The following IGLL5 variants were observed in gnomAD, a reference collection of about 807,000 sequenced individuals.
IGLL5 encodes immunoglobulin lambda-like polypeptide 5.
Under a neutral mutation model 20.9 loss-of-function variants are expected in IGLL5, and 30 were observed. The ratio of observed to expected loss-of-function variants is 1.44; its 90% CI spans 1.07 to 1.95. The LOEUF is 1.95. Ranked by LOEUF, IGLL5 falls within the 30% of genes most tolerant of loss-of-function variation. IGLL5 has a pLI of 0.00. For synonymous variants in IGLL5, 203 were observed against 117.3 expected, an observed-to-expected ratio of 1.73 and a Z score of -4.72; for missense variants, 475 against 270.7, an observed-to-expected ratio of 1.75 and a Z score of -5.30.
chr22:22,888,798 A>C (rs182504105), intron 1 of IGLL5, among the ~76,000 whole-genome samples: 4 of 151,358 alleles, frequency 2.6e-5, no homozygotes, highest in South Asian at 2.1e-4. Flanking sequence ...GGTGGGATGA[A>C]CCGAGGGGAG....
chr22:22,888,510 A>C (rs536344363), intron 1 of IGLL5, among the ~76,000 whole-genome samples: 4 of 151,364 alleles, frequency 2.6e-5, no homozygotes, highest in Admixed American at 1.3e-4. Flanking sequence ...AATTTTCACC[A>C]GGGTCAGTGC....
At position 22,894,289 on chromosome 22, in the gene IGLL5, A is replaced by G. The variant is rs534934718; in HGVS notation, c.325+471A>G. On this transcript the variant is annotated intron_variant, in intron 2 of 2. Transcript: ENST00000526893. ...GATGCCAATCCAGCCTGGGAGGGCC[A>G]CACGGCCTGGTGACACAGAGGTCAC... Among the ~76,000 whole-genome samples the G allele has an allele frequency of 4.6e-5, 7 of 151,216 alleles. 1 individual carries two copies. The highest frequency in any genetic ancestry group is 2.0e-4 in the East Asian group (1 of 4,890).
At chr22:22,894,925 T>C (rs1469313402) in intron 2 of IGLL5, among the ~76,000 whole-genome samples, 2 of 151,382 alleles carry the variant, frequency 1.3e-5, no homozygotes, top group Non-Finnish European at 1.5e-5. Flanking sequence ...ACACACTGCC[T>C]GCCAGGACAG....
intron 1 of IGLL5, among the ~76,000 whole-genome samples, chr22:22,888,932 C>CCCCCAAAA: frequency 6.6e-6 from 1 of 151,194 alleles, no homozygotes; most frequent in Middle Eastern, 3.7e-3. Context: ...GTGATGGGTG[C>CCCCCAAAA]CCCCAAAAGA....
At chr22:22,893,988 G>C (rs1601622481) in intron 2 of IGLL5, among the ~76,000 whole-genome samples, 170 bp downstream of exon 2, 5 of 151,568 alleles carry the variant, frequency 3.3e-5, no homozygotes, top group Middle Eastern at 3.7e-3. Flanking sequence ...TAACCGGCAG[G>C]AAGGGCCTCC....
chr22:22,889,285 T>C (rs1601607330), intron 1 of IGLL5, among the ~76,000 whole-genome samples: 2 of 150,938 alleles, frequency 1.3e-5, no homozygotes, highest in African/African-American at 2.4e-5. Flanking sequence ...AATGGGAGCA[T>C]GAAGTTGAAG....
rs1423965590 is a variant in IGLL5, at chr22:22,889,099, T to C, written c.206+840T>C. 6.0e-5 allele frequency among the ~76,000 whole-genome samples: 9 copies of C among 151,120 alleles called. 1 individual carries two copies. Among genetic ancestry groups the C allele is most frequent in the Admixed American group, 2.6e-4 (4 of 15,098 alleles). Reference sequence around the variant, plus strand: ...GGTAGATTGATTATCAGAGTCAGATTTGTGTTTTTGGAAAAATCAGCACCG... The same window carrying C: ...GGTAGATTGATTATCAGAGTCAGATCTGTGTTTTTGGAAAAATCAGCACCG... On this transcript the variant is annotated intron_variant, in intron 1 of 2. Transcript: ENST00000526893.
chr22:22,888,944 A>C, intron 1 of IGLL5, among the ~76,000 whole-genome samples: 1 of 151,372 alleles, frequency 6.6e-6, no homozygotes, highest in East Asian at 2.0e-4. Context: ...CCCAAAAGAC[A>C]GAGCAGCGTC....
chr22:22,894,734 T>C (rs1190605925), intron 2 of IGLL5, among the ~76,000 whole-genome samples: 2 of 150,792 alleles, frequency 1.3e-5, no homozygotes, highest in East Asian at 2.0e-4. Flanking sequence ...ACAGCTGAGG[T>C]GAAGGGTTCT....
At position 22,888,692 on chromosome 22, in the gene IGLL5, A is replaced by G. The variant is rs547327163; in HGVS notation, c.206+433A>G. ...TGAGGGCAGGGGCCACTCCCTGGAG[A>G]AGGCAGCAAGGGCTTGGTTTGGTCT... On this transcript the variant is annotated intron_variant, in intron 1 of 2. Transcript: ENST00000526893. Among the ~76,000 whole-genome samples, 3 of 151,238 alleles carry G rather than the reference A, an allele frequency of 2.0e-5. 1 individual carries two copies. The highest frequency in any genetic ancestry group is 6.6e-5 in the Admixed American group (1 of 15,136).
chr22:22,894,008 G>T (rs946784266), intron 2 of IGLL5, among the ~76,000 whole-genome samples, 190 bp downstream of exon 2: 4 of 149,668 alleles, frequency 2.7e-5, no homozygotes, highest in Admixed American at 1.3e-4. Flanking sequence ...CACAGTGGGA[G>T]CAGCCGGATG....
intron 1 of IGLL5, among the ~76,000 whole-genome samples, chr22:22,888,631 C>G (rs1347967748): frequency 6.6e-6 from 1 of 151,226 alleles, no homozygotes; most frequent in African/African-American, 2.4e-5. Context: ...CCTGTTCCTC[C>G]CCCTCCTCCT....
Position 22,895,934 on chromosome 22 carries a change from C to G in IGLL5, c.*240C>G, listed in dbSNP as rs933918727. 17 of 596,842 alleles carry G rather than the reference C, an allele frequency of 2.8e-5. No homozygotes were observed. In the African/African-American group the frequency reaches 3.2e-4, roughly 11 times the overall value. 37.0% of individuals were successfully genotyped at this position (596,842 alleles called of 1,614,324 possible). On this transcript the variant is annotated 3_prime_UTR_variant, in exon 3 of 3. Transcript: ENST00000526893. ...TTCTGCACCCAGTGTGAAAATCACC[C>G]AAGGGAGGAGGCTCACAGCCTCCCT... is the stretch of plus-strand genomic sequence containing the variant.
intron 2 of IGLL5, among the ~76,000 whole-genome samples, chr22:22,894,238 C>A (rs979485574): frequency 6.6e-6 from 1 of 151,050 alleles, no homozygotes; most frequent in South Asian, 2.1e-4. Flanking sequence ...GCCCCAAGAA[C>A]AGCTGAGGGT....
chr22:22,894,934 A>G (rs2066709213), intron 2 of IGLL5, among the ~76,000 whole-genome samples: 2 of 151,498 alleles, frequency 1.3e-5, no homozygotes, highest in South Asian at 2.1e-4. Flanking sequence ...CTGCCAGGAC[A>G]GTCCTACAGG....
intron 1 of IGLL5, among the ~76,000 whole-genome samples, chr22:22,888,784 G>A (rs953679722): frequency 3.3e-5 from 5 of 151,464 alleles, no homozygotes; most frequent in South Asian, 2.1e-4. Flanking sequence ...AAGGACACAG[G>A]GAGGGTGGGA....
At chr22:22,895,161 T>G (rs77087177) in intron 2 of IGLL5, among the ~76,000 whole-genome samples, 1 of 150,948 alleles carries the variant, frequency 6.6e-6, no homozygotes, top group East Asian at 2.0e-4. Flanking sequence ...AGGACACCTG[T>G]GAAAGGTGAC....
At chr22:22,894,488 C>G (rs572342758) in intron 2 of IGLL5, among the ~76,000 whole-genome samples, 1 of 151,504 alleles carries the variant, frequency 6.6e-6, no homozygotes, top group Non-Finnish European at 1.5e-5. Flanking sequence ...TCTCTTAGGG[C>G]AGAGATGTGT....
chr22:22,888,383 C>T (rs1601600237), intron 1 of IGLL5, 124 bp downstream of exon 1: 8 of 787,842 alleles, frequency 1.0e-5, no homozygotes, highest in African/African-American at 3.6e-5. Flanking sequence ...CCTGGGCTGA[C>T]ACTGGCTTTA....
Sources: allele counts gnomAD v4.1 joint callset (sites outside exome capture counted in the v4.1 genomes callset), GRCh38; gene constraint gnomAD v4.1.1; transcripts MANE v1.5; gene names NCBI Gene and HGNC (gene_info 2026-07-23, HGNC 2026-07-21).